The following PDZD9 variants were observed in gnomAD, a reference collection of about 807,000 sequenced individuals.
PDZD9 encodes the protein PDZ domain containing 9.
Under a neutral mutation model 16.3 loss-of-function variants are expected in PDZD9, and 13 were observed. The ratio of observed to expected loss-of-function variants is 0.80; its 90% confidence interval spans 0.52 to 1.27. The LOEUF is 1.27. Among genes scored for constraint, PDZD9 ranks in the 50% most tolerant of loss-of-function variants. The pLI is 0.00. For synonymous variants in PDZD9, 120 were observed against 111.0 expected (o/e 1.08, Z -0.51); for missense variants, 288 against 310.9 (o/e 0.93, Z 0.55).
chr16:21,985,948 T>A (rs1430474540), intron 3 of PDZD9, among the ~76,000 whole-genome samples: 1 of 152,174 alleles, frequency 6.6e-6, no homozygotes, highest in Non-Finnish European at 1.5e-5. Context: ...ATTTTTTTTT[T>A]AAATCCAAGT....
intron 3 of PDZD9, 25 bp downstream of exon 3, chr16:21,988,577 A>G (rs996987145): frequency 1.3e-6 from 2 of 1,564,374 alleles, no homozygotes; most frequent in Admixed American, 1.8e-5. Context: ...ATTATAACAA[A>G]GAGTTCCTAA....
At chr16:21,972,776 A>G in the PDZD9 span, among the ~76,000 whole-genome samples, 1 of 152,134 alleles carries the variant, frequency 6.6e-6, no homozygotes, top group Non-Finnish European at 1.5e-5. Flanking sequence ...TTTAGAGTAT[A>G]AATAGGATGG....
At chr16:21,976,387 C>T in the PDZD9 span, 1 of 678,354 alleles carries the variant, frequency 1.5e-6, no homozygotes, top group Non-Finnish European at 2.4e-6. Flanking sequence ...CATATCCTAC[C>T]ACCTAAAGAT....
In PDZD9 at chr16:22,000,872, T is replaced by TGATGATAAC. The variant is rs1567492522; in HGVS notation, c.31+144_31+145insGTTATCATC. The TGATGATAAC allele has an allele frequency of 1.4e-5, 10 of 695,828 alleles. No individual in the cohort carries two copies. In the East Asian group the frequency reaches 2.9e-4, roughly 20 times the overall value. 43.1% of individuals were successfully genotyped at this position (695,828 alleles called of 1,614,324 possible). The stretch of plus-strand genomic sequence containing the variant: ...ATGATGATGATGATGATGATGATGA[T>TGATGATAAC]GATAATGATGATGATGATAACAACA... On this transcript the variant is annotated intron_variant, in intron 1 of 3. Transcript: ENST00000424898.
At chr16:21,996,654 T>G (rs755452782) in intron 1 of PDZD9, among the ~76,000 whole-genome samples, 153 bp from the exon 2 acceptor site, 17 of 152,182 alleles carry the variant, frequency 1.1e-4, no homozygotes, top group Non-Finnish European at 2.4e-4. Context: ...ATGTTCACCT[T>G]GGAGAGCTCT....
the PDZD9 span, chr16:21,959,836 T>G: frequency 6.6e-6 from 1 of 152,248 alleles, no homozygotes; most frequent in African/African-American, 2.4e-5. Flanking sequence ...GTCAATCTCC[T>G]TGTACATCTG....
At chr16:21,961,653 TATATATATATATATA>T in the PDZD9 span, among the ~76,000 whole-genome samples, 3 of 105,744 alleles carry the variant, frequency 2.8e-5, no homozygotes, top group Middle Eastern at 4.2e-3. Flanking sequence ...TATATATATA[TATATATATATATATA>T]TTTTAGACAG....
chr16:21,960,292 A>T, the PDZD9 span, among the ~76,000 whole-genome samples: 2 of 152,192 alleles, frequency 1.3e-5, no homozygotes, highest in African/African-American at 2.4e-5. Context: ...GTGTACTATT[A>T]TATTAAGAAG....
the PDZD9 span, chr16:21,971,953 T>G: frequency 9.3e-6 from 15 of 1,614,052 alleles, no homozygotes; most frequent in Non-Finnish European, 1.2e-5. Context: ...GGAGACAGTC[T>G]TGTCCATGCT....
chr16:21,973,854 A>G, the PDZD9 span: 14 of 1,582,086 alleles, frequency 8.8e-6, no homozygotes, highest in South Asian at 1.4e-4. Context: ...GCCCTGTTTT[A>G]CTTGGTAGAA....
At chr16:21,974,096 T>G in the PDZD9 span, 1 of 813,482 alleles carries the variant, frequency 1.2e-6, no homozygotes, top group Non-Finnish European at 1.9e-6. Flanking sequence ...ATCAGAGCTC[T>G]GTATAGTATG....
chr16:21,994,017 G>A (rs1179395095), intron 2 of PDZD9, among the ~76,000 whole-genome samples: 1 of 151,622 alleles, frequency 6.6e-6, no homozygotes, highest in Non-Finnish European at 1.5e-5. Flanking sequence ...CATTGCCCAT[G>A]TCTACAAAAA....
intron 1 of PDZD9, 85 bp from the exon 2 acceptor site, chr16:21,996,586 T>C: frequency 1.6e-6 from 2 of 1,248,136 alleles, no homozygotes; most frequent in Non-Finnish European, 2.2e-6. Flanking sequence ...GCCAGATCCC[T>C]GGGACAGTTA....
chr16:21,968,616 T>G, the PDZD9 span: 10 of 1,599,318 alleles, frequency 6.3e-6, no homozygotes, highest in Non-Finnish European at 8.5e-6. Flanking sequence ...TAAGTGTTTT[T>G]AACTTCCTCA....
intron 2 of PDZD9, among the ~76,000 whole-genome samples, chr16:21,991,878 C>T (rs1447375430): frequency 2.0e-5 from 3 of 152,180 alleles, no homozygotes; most frequent in African/African-American, 7.2e-5. Flanking sequence ...TGGACTTCCT[C>T]TGTATTCAAA....
intron 2 of PDZD9, among the ~76,000 whole-genome samples, chr16:21,995,006 T>C (rs1467865203): frequency 6.6e-6 from 1 of 152,046 alleles, no homozygotes; most frequent in East Asian, 1.9e-4. Flanking sequence ...TTCGTTTTGT[T>C]GTAGAAATGG....
At chr16:21,990,136 T>G (rs572348705) in intron 2 of PDZD9, among the ~76,000 whole-genome samples, 2 of 152,260 alleles carry the variant, frequency 1.3e-5, no homozygotes, top group South Asian at 4.1e-4. Flanking sequence ...GTTTTCTGTT[T>G]TTTGCAATGA....
chr16:21,959,396 T>C, the PDZD9 span: 5 of 272,846 alleles, frequency 1.8e-5, no homozygotes, highest in Non-Finnish European at 3.7e-5. Flanking sequence ...CTTTGTTTGC[T>C]CATCCATAAG....
the PDZD9 span, among the ~76,000 whole-genome samples, chr16:21,967,925 A>T: frequency 6.6e-6 from 1 of 152,126 alleles, no homozygotes; most frequent in African/African-American, 2.4e-5. Context: ...CATACTACGT[A>T]AGCTACATTA....
Sources: gnomAD v4.1 joint callset for allele counts (sites outside exome capture counted in the v4.1 genomes callset) on GRCh38, gnomAD v4.1.1 for gene constraint, MANE v1.5 for transcripts, NCBI Gene and HGNC (gene_info 2026-07-23, HGNC 2026-07-21) for gene names.